Variants in DSCAM observed in about 807,000 individuals in gnomAD.
DSCAM encodes the protein DS cell adhesion molecule.
A neutral mutation model predicts 217.7 loss-of-function variants in DSCAM; 47 were observed. The ratio of observed to expected loss-of-function variants is 0.22; its 90% CI spans 0.17 to 0.28. DSCAM has a LOEUF of 0.28. DSCAM is among the 10% of genes least tolerant of loss of function. The pLI is 1.00. For synonymous variants in DSCAM, 1,056 were observed against 1,015.3 expected (o/e 1.04, Z -0.76); for missense variants, 2,080 against 2,618.3 (o/e 0.79, Z 4.49).
intron 20 of DSCAM, among the ~76,000 whole-genome samples, chr21:40,121,254 C>T (rs181740592): frequency 3.0e-4 from 46 of 152,214 alleles, no homozygotes; most frequent in African/African-American, 1.1e-3. Context: ...CAAAAAAACA[C>T]CCTCTTTCCT....
At chr21:40,435,480 A>G (rs1305662434) in intron 3 of DSCAM, among the ~76,000 whole-genome samples, 1 of 151,738 alleles carries the variant, frequency 6.6e-6, no homozygotes, top group African/African-American at 2.4e-5. Context: ...CTGAACATGT[A>G]CCCCTGAACC....
At chr21:40,063,156 T>C (rs2089149176) in intron 27 of DSCAM, among the ~76,000 whole-genome samples, 1 of 152,202 alleles carries the variant, frequency 6.6e-6, no homozygotes, top group Non-Finnish European at 1.5e-5. Flanking sequence ...ATCTACTAAA[T>C]GTTTTATTCC....
At chr21:40,549,698 C>T (rs373644342) in intron 3 of DSCAM, among the ~76,000 whole-genome samples, 1 of 152,202 alleles carries the variant, frequency 6.6e-6, no homozygotes, top group Non-Finnish European at 1.5e-5. Context: ...TACTTCAGCT[C>T]ACTCACCTTC....
chr21:40,425,912 G>C (rs1231814536), intron 3 of DSCAM, among the ~76,000 whole-genome samples: 1 of 151,962 alleles, frequency 6.6e-6, no homozygotes, highest in Non-Finnish European at 1.5e-5. Context: ...ATGTATATAT[G>C]GATATCTATC....
chr21:40,167,417 G>A (rs138384053), intron 15 of DSCAM, 129 bp from the exon 16 acceptor site: 29 of 726,354 alleles, frequency 4.0e-5, no homozygotes, highest in African/African-American at 2.7e-4. Context: ...AGTTTTTAGC[G>A]GTCATGGGAA....
chr21:40,241,689 A>G (rs1239773972), intron 11 of DSCAM, among the ~76,000 whole-genome samples: 3 of 152,254 alleles, frequency 2.0e-5, no homozygotes, highest in Non-Finnish European at 4.4e-5. Flanking sequence ...ATAAAGACAC[A>G]TGCAAGCAAA....
chr21:40,224,223 T>C (rs1198315147), intron 11 of DSCAM, among the ~76,000 whole-genome samples: 1 of 152,218 alleles, frequency 6.6e-6, no homozygotes, highest in Non-Finnish European at 1.5e-5. Context: ...TGGTTGATTA[T>C]CACTCATGCA....
At chr21:40,676,519 G>T (rs989312478) in intron 3 of DSCAM, among the ~76,000 whole-genome samples, 5 of 152,148 alleles carry the variant, frequency 3.3e-5, no homozygotes, top group Non-Finnish European at 1.5e-5. Flanking sequence ...TTGAGACTTC[G>T]ATTGCCGTAT....
chr21:40,419,290 T>G (rs1391768361), intron 3 of DSCAM, among the ~76,000 whole-genome samples: 1 of 152,148 alleles, frequency 6.6e-6, no homozygotes, highest in East Asian at 1.9e-4. Context: ...CCAGAAAATA[T>G]TTTTTAAATG....
intron 9 of DSCAM, among the ~76,000 whole-genome samples, chr21:40,307,675 G>A (rs1361486903): frequency 1.3e-5 from 2 of 151,958 alleles, no homozygotes; most frequent in Non-Finnish European, 1.5e-5. Context: ...AAAGACTTGG[G>A]ACCAACCCAA....
At chr21:40,551,511 A>G (rs1243041010) in intron 3 of DSCAM, among the ~76,000 whole-genome samples, 1 of 152,148 alleles carries the variant, frequency 6.6e-6, no homozygotes, top group Non-Finnish European at 1.5e-5. Flanking sequence ...TCAGACTTTT[A>G]AAAGGTGCTA....
chr21:40,187,756 T>C (rs2090910807), intron 13 of DSCAM, 135 bp downstream of exon 13: 1 of 818,918 alleles, frequency 1.2e-6, no homozygotes, highest in Non-Finnish European at 2.0e-6. Context: ...GCACTGACAT[T>C]ATACATATTC....
intron 3 of DSCAM, among the ~76,000 whole-genome samples, chr21:40,487,960 G>C (rs1055962916): frequency 6.6e-6 from 1 of 152,128 alleles, no homozygotes; most frequent in African/African-American, 2.4e-5. Flanking sequence ...ATGGCACTTC[G>C]CAAACTAAGG....
intron 21 of DSCAM, among the ~76,000 whole-genome samples, chr21:40,087,722 A>C (rs2089551039): frequency 6.6e-6 from 1 of 152,238 alleles, no homozygotes; most frequent in African/African-American, 2.4e-5. Context: ...TAAAACTGGA[A>C]CAAGTTCTAC....
At chr21:40,298,153 C>T (rs2073976111) in intron 9 of DSCAM, among the ~76,000 whole-genome samples, 1 of 147,070 alleles carries the variant, frequency 6.8e-6, no homozygotes, top group African/African-American at 2.6e-5. Flanking sequence ...ATGTTCTCTG[C>T]TCACTGCAAC....
At chr21:40,175,855 C>G (rs1048657051) in intron 15 of DSCAM, among the ~76,000 whole-genome samples, 1 of 150,392 alleles carries the variant, frequency 6.6e-6, no homozygotes, top group Non-Finnish European at 1.5e-5. Context: ...CATTGTGACA[C>G]CCATTCTAAA....
chr21:40,387,771 A>G (rs2075099917), intron 3 of DSCAM, among the ~76,000 whole-genome samples: 1 of 152,196 alleles, frequency 6.6e-6, no homozygotes, highest in African/African-American at 2.4e-5. Flanking sequence ...AAATGTTGCA[A>G]AACTATAGAA....
At chr21:40,488,321 C>G (rs140829052) in intron 3 of DSCAM, among the ~76,000 whole-genome samples, 45 of 152,320 alleles carry the variant, frequency 3.0e-4, no homozygotes, top group African/African-American at 1.1e-3. Context: ...GCTTGGAAGT[C>G]TCTGTGGAGA....
chr21:40,513,226 C>A (rs2076274320), intron 3 of DSCAM: 1 of 152,180 alleles, frequency 6.6e-6, no homozygotes. Flanking sequence ...CTACCCCGTA[C>A]ATACTTCAGC....
Sources: allele counts gnomAD v4.1 joint callset (sites outside exome capture counted in the v4.1 genomes callset), GRCh38; gene constraint gnomAD v4.1.1; transcripts MANE v1.5; gene names NCBI Gene and HGNC (gene_info 2026-07-23, HGNC 2026-07-21).